The following PRDM1 variants were observed in gnomAD, a reference collection of about 807,000 sequenced individuals.
The protein encoded by PRDM1 is PR/SET domain 1, also known as PR domain zinc finger protein 1.
Under a neutral mutation model 62.8 loss-of-function variants are expected in PRDM1, and 13 were observed. The observed-to-expected ratio is 0.21, with a 90% CI of 0.13 to 0.33. The LOEUF is 0.33. Ranked by LOEUF, PRDM1 falls within the 10% of genes least tolerant of loss-of-function variation. PRDM1 has a pLI of 1.00. For synonymous variants in PRDM1, 396 were observed against 417.6 expected (o/e 0.95, Z 0.63); for missense variants, 895 against 1,058.8 (o/e 0.85, Z 2.15).
intron 1 of PRDM1, among the ~76,000 whole-genome samples, chr6:106,031,900 GT>G (rs547212585): frequency 6.6e-6 from 1 of 151,970 alleles, no homozygotes; most frequent in Non-Finnish European, 1.5e-5. Flanking sequence ...TCCCAGTTTT[GT>G]TTTTTTAACT....
chr6:106,019,253 C>CA lies in PRDM1; in HGVS notation c.-67+25644dup, dbSNP rs55704256. Among the ~76,000 whole-genome samples the CA allele has an allele frequency of 3.8e-3, 267 of 69,630 alleles. 18 individuals carry two copies. The highest frequency in any genetic ancestry group is 7.2e-3 in the East Asian group (16 of 2,234). The allele number at this position is 69,630 out of a possible 152,430, so 45.7% of individuals were successfully genotyped here. ...TGCTGGACAGAGTGAGACTCCATCT[C>CA]AAAAAAAAAAAAAAAAAAAAAAAAA... is the stretch of plus-strand genomic sequence containing the variant. On this transcript the variant is annotated intron_variant, in intron 1 of 6. Coordinates refer to the PRDM1 transcript ENST00000652320.
chr6:106,095,382 T>G (rs1774083960), intron 2 of PRDM1, among the ~76,000 whole-genome samples: 1 of 152,226 alleles, frequency 6.6e-6, no homozygotes, highest in Non-Finnish European at 1.5e-5. Flanking sequence ...AATAATCCCC[T>G]AGACTGTTTT....
chr6:106,099,235 C>T, intron 3 of PRDM1, 65 bp from the exon 4 acceptor site: 1 of 1,608,666 alleles, frequency 6.2e-7, no homozygotes, highest in South Asian at 1.1e-5. Flanking sequence ...TGTGTTTATT[C>T]TGAGAGGTGC....
At chr6:106,033,829 T>G (rs1390404079) in intron 1 of PRDM1, among the ~76,000 whole-genome samples, 1 of 152,178 alleles carries the variant, frequency 6.6e-6, no homozygotes, top group East Asian at 1.9e-4. Context: ...TGTTAGTTCT[T>G]TAAATATTTG....
In PRDM1 at chr6:106,024,810, T is replaced by C. The variant is rs183336632; in HGVS notation, c.-67+31171T>C. On this transcript the variant is annotated intron_variant, in intron 1 of 6. Coordinates refer to the PRDM1 transcript ENST00000652320. ...TGCCGTGTTCTAGAAGGAGAGATAC[T>C]GAAATCCCTCTTTTTCCTTAGCCAT... Among the ~76,000 whole-genome samples the C allele has an allele frequency of 4.6e-5, 7 of 152,296 alleles. No homozygotes were observed. The East Asian group carries it at 1.4e-3, about 29-fold the overall frequency.
intron 1 of PRDM1, among the ~76,000 whole-genome samples, chr6:106,025,117 T>C (rs759884013): frequency 6.6e-5 from 10 of 152,210 alleles, no homozygotes; most frequent in Admixed American, 1.3e-4. Context: ...AAGCACACCA[T>C]GTCTGAGCAA....
chr6:106,033,101 A>T (rs1044677086), intron 1 of PRDM1, among the ~76,000 whole-genome samples: 2 of 152,024 alleles, frequency 1.3e-5, no homozygotes, highest in Non-Finnish European at 2.9e-5. Context: ...AAATTGTGAT[A>T]AAATATACAT....
intron 4 of PRDM1, among the ~76,000 whole-genome samples, chr6:106,101,725 A>G (rs1363144465): frequency 6.6e-6 from 1 of 152,208 alleles, no homozygotes; most frequent in Admixed American, 6.5e-5. Context: ...TGTGTCTCCA[A>G]ATGAACTGTG....
chr6:106,088,357 T>C lies in PRDM1; in HGVS notation c.199T>C (p.Trp67Arg). ...TACATACATTGTGAACGACCACCCCTGGGATTCTGGTGCTGATGGCGGTAC... is the reference window on the plus strand; with the variant it reads ...TACATACATTGTGAACGACCACCCCCGGGATTCTGGTGCTGATGGCGGTAC... ...KCTYIVNDHP[W>R]DSGADGGTSV... Residue 67 changes from tryptophan to arginine, a missense_variant, in exon 2 of 7, where the codon TGG becomes CGG. Coordinates refer to ENST00000369096, the MANE Select transcript of PRDM1 (RefSeq NM_001198.4). 6.2e-7 allele frequency: 1 copy of C among 1,614,160 alleles called. No homozygotes were observed. The highest frequency in any genetic ancestry group is 8.5e-7 in the Non-Finnish European group (1 of 1,180,022).
chr6:106,034,269 T>A (rs1772891459), intron 1 of PRDM1, among the ~76,000 whole-genome samples: 1 of 152,088 alleles, frequency 6.6e-6, no homozygotes, highest in Non-Finnish European at 1.5e-5. Context: ...TTTGCTCTAA[T>A]CGTTATTATT....
intron 1 of PRDM1, among the ~76,000 whole-genome samples, chr6:106,043,470 A>T (rs1252630377): frequency 6.6e-6 from 1 of 152,186 alleles, no homozygotes; most frequent in Non-Finnish European, 1.5e-5. Flanking sequence ...TGTTCTCATA[A>T]GACATAGATC....
At position 106,004,671 on chromosome 6, in the gene PRDM1, C is replaced by T. The variant is rs534703490; in HGVS notation, c.-67+11032C>T. ...AAATATGGATTAATTTTTTTTGAGG[C>T]GGGATAGTAATGGTGATAACGGTAT... On this transcript the variant is annotated intron_variant, in intron 1 of 6. Transcript: ENST00000652320. 2.6e-3 allele frequency among the ~76,000 whole-genome samples: 399 copies of T among 151,902 alleles called. 2 individuals are homozygous for T. Among genetic ancestry groups the T allele is most frequent in the African/African-American group, 9.4e-3 (389 of 41,414 alleles).
At position 106,087,580 on chromosome 6, in the gene PRDM1, C is replaced by A. The variant is rs554340578; in HGVS notation, c.43-621C>A. 1.3e-5 allele frequency: 3 copies of A among 232,634 alleles called. No homozygotes were observed. The East Asian group carries it at 1.8e-4, about 14-fold the overall frequency. 14.4% of individuals were successfully genotyped at this position (232,634 alleles called of 1,614,324 possible). ...CTCAGTGATGCTGGCAGGATGCAACCCTTTTCAGTCTTCCATGTGAGAGGA... is the reference window on the plus strand; with the variant it reads ...CTCAGTGATGCTGGCAGGATGCAACACTTTTCAGTCTTCCATGTGAGAGGA... On this transcript the variant is annotated intron_variant, in intron 1 of 6. Coordinates refer to ENST00000369096, the MANE Select transcript of PRDM1 (RefSeq NM_001198.4).
rs151258261 is a variant in PRDM1 at position 106,097,140 on chromosome 6, A to C, written c.411+1406A>C. 3.5e-4 allele frequency among the ~76,000 whole-genome samples: 53 copies of C among 152,316 alleles called. No homozygotes were observed. The South Asian group carries it at 0.011, about 30-fold the overall frequency. ...TTATTTAATAATTATTCCTCCTTAA[A>C]ATATATTAATCACCTGACTTACAAT... On this transcript the variant is annotated intron_variant, in intron 3 of 6. Transcript: ENST00000369096.
At chr6:106,051,473 A>G (rs1367454590) in intron 1 of PRDM1, among the ~76,000 whole-genome samples, 1 of 152,220 alleles carries the variant, frequency 6.6e-6, no homozygotes, top group East Asian at 1.9e-4. Flanking sequence ...CTATTTTCAC[A>G]TAAAGAAGGC....
intron 3 of PRDM1, chr6:106,099,074 G>T: frequency 6.2e-7 from 1 of 1,614,028 alleles, no homozygotes; most frequent in Non-Finnish European, 8.5e-7. Context: ...ATGAAAAGAC[G>T]ATAAAACTGA....
intron 1 of PRDM1, among the ~76,000 whole-genome samples, chr6:106,019,422 T>C (rs1314863375): frequency 6.6e-6 from 1 of 151,668 alleles, no homozygotes; most frequent in Non-Finnish European, 1.5e-5. Flanking sequence ...ACTGAGTTTA[T>C]AGCTTTTTTC....
At chr6:106,012,686 T>G (rs370420078) in intron 1 of PRDM1, among the ~76,000 whole-genome samples, 1 of 152,054 alleles carries the variant, frequency 6.6e-6, no homozygotes, top group Non-Finnish European at 1.5e-5. Flanking sequence ...ACTCCCCCTC[T>G]CCCAGCACCT....
At position 106,105,623 on chromosome 6, in the gene PRDM1, T is replaced by G; in HGVS notation, c.1463T>G (p.Leu488Arg). 6.8e-6 allele frequency: 11 copies of G among 1,613,382 alleles called. 1 individual carries two copies. Among genetic ancestry groups the G allele is most frequent in the Non-Finnish European group, 9.3e-6 (11 of 1,179,510 alleles). Residue 488 changes from leucine (L) to arginine (R), a missense_variant, in exon 5 of 7, where the codon CTT (leucine) becomes CGT (arginine). Physicochemically the swap from Leu to Arg is moderately radical, Grantham distance 102. Around this residue, in one of 4 missense-constraint regions of PRDM1, gnomAD observed 444 missense variants for 422.7 expected, o/e 1.05. Coordinates refer to ENST00000369096, the MANE Select transcript of PRDM1 (RefSeq NM_001198.4). Reference sequence around the variant, plus strand: ...CAGCCGGAGCATCCCAGGGAGGTGCTTGTCCCGGCGCCCCACAGTGCCTTC... The same window carrying G: ...CAGCCGGAGCATCCCAGGGAGGTGCGTGTCCCGGCGCCCCACAGTGCCTTC... Reference protein sequence around the residue: ...LLQPEHPREVLVPAPHSAFSF... With the variant: ...LLQPEHPREVRVPAPHSAFSF...
Sources: gnomAD v4.1 joint callset for allele counts (sites outside exome capture counted in the v4.1 genomes callset) on GRCh38, gnomAD v4.1.1 for gene constraint, gnomAD v4.1.1 regional missense constraint, MANE v1.5 for transcripts, NCBI Gene and HGNC (gene_info 2026-07-23, HGNC 2026-07-21) for gene names.